KCNIP4: variants seen among roughly 807,000 people sequenced by gnomAD.
KCNIP4 encodes Kv channel-interacting protein 4.
In KCNIP4, 12 loss-of-function variants were observed where a neutral mutation model predicts 34.0. The observed-to-expected ratio is 0.35, with a 90% CI of 0.23 to 0.57. KCNIP4 has a LOEUF of 0.57. Ranked by LOEUF, KCNIP4 falls within the 20% of genes least tolerant of loss-of-function variation. The pLI, the probability that KCNIP4 is intolerant of heterozygous loss-of-function variation, is 0.83. For missense variants in KCNIP4, 238 were observed against 311.7 expected (o/e 0.76, Z 1.78); for synonymous variants, 124 against 102.2 (o/e 1.21, Z -1.29).
At chr4:21,055,311 T>G (rs562386676) in intron 1 of KCNIP4, among the ~76,000 whole-genome samples, 1 of 152,200 alleles carries the variant, frequency 6.6e-6, no homozygotes, top group Non-Finnish European at 1.5e-5. Flanking sequence ...TCCTATGCAT[T>G]GCTGTTGAAA....
chr4:20,878,809 T>C (rs1025470872), intron 2 of KCNIP4, among the ~76,000 whole-genome samples: 2 of 152,116 alleles, frequency 1.3e-5, no homozygotes, highest in Non-Finnish European at 2.9e-5. Context: ...ATGCCCCTCT[T>C]TGCCTCTTTC....
At chr4:21,426,280 C>T (rs1344130931) in intron 1 of KCNIP4, among the ~76,000 whole-genome samples, 9 of 152,246 alleles carry the variant, frequency 5.9e-5, no homozygotes, top group Admixed American at 5.2e-4. Context: ...GATATGGACA[C>T]ATGGAGTCTT....
At chr4:21,106,876 A>AGGTTGTTC (rs1471904057) in intron 1 of KCNIP4, among the ~76,000 whole-genome samples, 1 of 151,530 alleles carries the variant, frequency 6.6e-6, no homozygotes, top group East Asian at 1.9e-4. Flanking sequence ...ATTCAGGAAC[A>AGGTTGTTC]GGTTGTTCAG....
chr4:20,859,877 A>G (rs1004102449), intron 2 of KCNIP4, among the ~76,000 whole-genome samples: 2 of 152,192 alleles, frequency 1.3e-5, no homozygotes, highest in Admixed American at 6.5e-5. Flanking sequence ...AAATAATATT[A>G]TGAAGAATAA....
chr4:21,662,012 A>T (rs895353282), intron 1 of KCNIP4, among the ~76,000 whole-genome samples: 1 of 152,158 alleles, frequency 6.6e-6, no homozygotes, highest in Non-Finnish European at 1.5e-5. Flanking sequence ...ATCTGTAGAC[A>T]TTTTAAAAAC....
At chr4:21,471,424 G>A (rs1730459268) in intron 1 of KCNIP4, among the ~76,000 whole-genome samples, 1 of 152,060 alleles carries the variant, frequency 6.6e-6, no homozygotes, top group African/African-American at 2.4e-5. Flanking sequence ...GCAGAAGCTA[G>A]GGAATTAAGA....
chr4:21,669,249 T>A (rs1364813488), intron 1 of KCNIP4, among the ~76,000 whole-genome samples: 1 of 151,274 alleles, frequency 6.6e-6, no homozygotes, highest in Non-Finnish European at 1.5e-5. Context: ...CCCAGCCTCC[T>A]GTGTAGCTGG....
intron 1 of KCNIP4, among the ~76,000 whole-genome samples, chr4:21,908,790 T>C (rs887799159): frequency 6.6e-6 from 1 of 152,158 alleles, no homozygotes; most frequent in Admixed American, 6.6e-5. Flanking sequence ...AATCATAAAG[T>C]AGTTGAAAAA....
At chr4:21,311,062 CAA>C (rs2109273092) in intron 1 of KCNIP4, among the ~76,000 whole-genome samples, 1 of 152,272 alleles carries the variant, frequency 6.6e-6, no homozygotes, top group East Asian at 1.9e-4. Context: ...TGACTTTGGG[CAA>C]ATTGCTGAGA....
intron 1 of KCNIP4, among the ~76,000 whole-genome samples, chr4:21,450,309 G>A (rs997770384): frequency 1.3e-5 from 2 of 152,122 alleles, no homozygotes; most frequent in African/African-American, 4.8e-5. Context: ...ATGAGCATTT[G>A]CTTTAAAATT....
At chr4:21,560,243 G>A (rs1039522307) in intron 1 of KCNIP4, among the ~76,000 whole-genome samples, 8 of 151,986 alleles carry the variant, frequency 5.3e-5, no homozygotes, top group Admixed American at 1.3e-4. Flanking sequence ...TCTCCCATAG[G>A]GCCATTCCAA....
intron 1 of KCNIP4, among the ~76,000 whole-genome samples, chr4:21,143,471 T>C (rs1752122347): frequency 6.6e-6 from 1 of 152,112 alleles, no homozygotes; most frequent in African/African-American, 2.4e-5. Context: ...GGAAGGAGAT[T>C]CTTCCCCAGA....
chr4:21,536,785 A>C (rs1737212244), intron 1 of KCNIP4, among the ~76,000 whole-genome samples: 1 of 152,160 alleles, frequency 6.6e-6, no homozygotes, highest in Admixed American at 6.5e-5. Flanking sequence ...TGTTTCAAAA[A>C]AAAAAAAAGT....
intron 1 of KCNIP4, among the ~76,000 whole-genome samples, chr4:21,044,139 AG>A (rs1277945727): frequency 1.3e-5 from 2 of 152,076 alleles, no homozygotes; most frequent in Non-Finnish European, 2.9e-5. Context: ...TGGAAGGGGC[AG>A]TTTCCAGCTT....
At chr4:21,272,705 C>A (rs1040987193) in intron 1 of KCNIP4, among the ~76,000 whole-genome samples, 3 of 152,134 alleles carry the variant, frequency 2.0e-5, no homozygotes, top group Non-Finnish European at 4.4e-5. Context: ...CCTTCATAAG[C>A]CATGACACCA....
At chr4:21,095,032 C>T (rs767985350) in intron 1 of KCNIP4, among the ~76,000 whole-genome samples, 1 of 152,130 alleles carries the variant, frequency 6.6e-6, no homozygotes, top group Non-Finnish European at 1.5e-5. Context: ...AAAAGAAATG[C>T]TAAAATTCAG....
intron 1 of KCNIP4, among the ~76,000 whole-genome samples, chr4:21,618,618 CTTTTTCTTTTTCT>C (rs1408867653): frequency 1.7e-5 from 2 of 119,212 alleles, no homozygotes; most frequent in African/African-American, 2.9e-5. Context: ...TTTTCTTTTT[CTTTTTCTTTTTCT>C]TTTTTTTTTT....
chr4:21,117,015 G>T (rs1244447851), intron 1 of KCNIP4, among the ~76,000 whole-genome samples: 1 of 151,940 alleles, frequency 6.6e-6, no homozygotes, highest in Admixed American at 6.6e-5. Context: ...TATGTGTTTG[G>T]AACACAACTA....
At chr4:20,869,019 A>T (rs574639253) in intron 2 of KCNIP4, among the ~76,000 whole-genome samples, 1 of 152,252 alleles carries the variant, frequency 6.6e-6, no homozygotes, top group South Asian at 2.1e-4. Flanking sequence ...CATACAGGTA[A>T]TGTATTTATG....
Sources: gnomAD v4.1 joint callset for allele counts (sites outside exome capture counted in the v4.1 genomes callset) on GRCh38, gnomAD v4.1.1 for gene constraint, MANE v1.5 for transcripts, NCBI Gene and HGNC (gene_info 2026-07-23, HGNC 2026-07-21) for gene names.